AFG2A: variants seen among roughly 807,000 people sequenced by gnomAD.
AFG2A encodes AAA ATPase AFG2A.
chr4:122,992,956 T>TTGTGTGTGTG, the AFG2A span, among the ~76,000 whole-genome samples: 237 of 132,894 alleles, frequency 1.8e-3, no homozygotes, highest in African/African-American at 5.6e-3. Context: ...CCTGTAAGAT[T>TTGTGTGTGTG]TGTGTGTGTG....
At chr4:123,187,090 T>A in the AFG2A span, among the ~76,000 whole-genome samples, 8,544 of 152,260 alleles carry the variant, frequency 0.056, 401 homozygotes, top group African/African-American at 0.12. Context: ...TAGTGCCTCT[T>A]TTGTTACTAT....
the AFG2A span, among the ~76,000 whole-genome samples, chr4:122,985,062 G>A: frequency 0.81 from 123,029 of 151,736 alleles, 51,624 homozygotes; most frequent in East Asian, 0.96. Flanking sequence ...TTGAATGTCT[G>A]GTAGAATTCC....
the AFG2A span, among the ~76,000 whole-genome samples, chr4:122,985,765 T>G: frequency 0.012 from 1,854 of 151,620 alleles, 38 homozygotes; most frequent in African/African-American, 0.042. Flanking sequence ...TTTTTTTCAA[T>G]TTTATTTCTT....
chr4:122,962,843 C>T, the AFG2A span, among the ~76,000 whole-genome samples: 795 of 152,284 alleles, frequency 5.2e-3, 7 homozygotes, highest in African/African-American at 0.018. Flanking sequence ...CACTGCTATA[C>T]CACAGTTCAC....
chr4:123,028,392 A>C, the AFG2A span: 1 of 1,614,034 alleles, frequency 6.2e-7, no homozygotes, highest in Non-Finnish European at 8.5e-7. Flanking sequence ...TTCTAGCTAT[A>C]AAGGTAGGGT....
chr4:123,055,060 C>T, the AFG2A span, among the ~76,000 whole-genome samples: 7 of 152,124 alleles, frequency 4.6e-5, no homozygotes, highest in African/African-American at 1.7e-4. Context: ...TGAACCCCTG[C>T]CTCCCACTTT....
chr4:123,175,248 G>A, the AFG2A span, among the ~76,000 whole-genome samples: 1 of 152,024 alleles, frequency 6.6e-6, no homozygotes, highest in Non-Finnish European at 1.5e-5. Flanking sequence ...GAAGATATCT[G>A]CAGTGTCATA....
At chr4:123,259,056 A>G in the AFG2A span, among the ~76,000 whole-genome samples, 2,362 of 152,008 alleles carry the variant, frequency 0.016, 55 homozygotes, top group African/African-American at 0.055. Context: ...TATTAGAGAC[A>G]GGGTTTCACC....
At chr4:123,118,095 A>G in the AFG2A span, among the ~76,000 whole-genome samples, 2 of 151,112 alleles carry the variant, frequency 1.3e-5, no homozygotes, top group African/African-American at 2.4e-5. Context: ...TTTTGTTAAG[A>G]TGGTATTTTG....
At chr4:122,986,034 G>T in the AFG2A span, among the ~76,000 whole-genome samples, 1 of 151,702 alleles carries the variant, frequency 6.6e-6, no homozygotes, top group Non-Finnish European at 1.5e-5. Flanking sequence ...TTTTGACCCA[G>T]CGCTCATTCA....
At chr4:122,988,249 TTGG>T in the AFG2A span, among the ~76,000 whole-genome samples, 1 of 151,830 alleles carries the variant, frequency 6.6e-6, no homozygotes, top group African/African-American at 2.4e-5. Flanking sequence ...ATAACATATC[TTGG>T]TGAAGCTCTC....
the AFG2A span, among the ~76,000 whole-genome samples, chr4:122,995,250 TA>T: frequency 7.9e-5 from 12 of 152,190 alleles, no homozygotes; most frequent in Non-Finnish European, 1.8e-4. Flanking sequence ...ATAAATAGTA[TA>T]ACCTGTGGAA....
the AFG2A span, among the ~76,000 whole-genome samples, chr4:123,283,088 A>C: frequency 1.3e-5 from 2 of 152,138 alleles, no homozygotes; most frequent in East Asian, 3.9e-4. Context: ...TCTAAAGCAT[A>C]TGTTCCACCA....
At chr4:123,143,374 A>C in the AFG2A span, among the ~76,000 whole-genome samples, 3 of 152,030 alleles carry the variant, frequency 2.0e-5, no homozygotes, top group African/African-American at 7.2e-5. Flanking sequence ...ATCTTTTGGG[A>C]GACCTATCAA....
At chr4:123,138,050 T>C in the AFG2A span, among the ~76,000 whole-genome samples, 2 of 152,222 alleles carry the variant, frequency 1.3e-5, no homozygotes, top group African/African-American at 4.8e-5. Flanking sequence ...CCCACACTTC[T>C]CTTAATCTTT....
At chr4:123,164,651 A>G in the AFG2A span, among the ~76,000 whole-genome samples, 1 of 152,212 alleles carries the variant, frequency 6.6e-6, no homozygotes, top group East Asian at 1.9e-4. Context: ...ATTTATTGAA[A>G]TGCTTTAAGT....
At chr4:123,162,552 C>A in the AFG2A span, among the ~76,000 whole-genome samples, 38 of 152,224 alleles carry the variant, frequency 2.5e-4, no homozygotes, top group Middle Eastern at 3.4e-3. Context: ...GAACTTATGT[C>A]TATAAAATTT....
At chr4:123,058,099 T>G in the AFG2A span, among the ~76,000 whole-genome samples, 1 of 152,222 alleles carries the variant, frequency 6.6e-6, no homozygotes, top group Non-Finnish European at 1.5e-5. Flanking sequence ...GAGTATAAAT[T>G]GTCATTAGGA....
At chr4:123,194,349 T>C in the AFG2A span, among the ~76,000 whole-genome samples, 1 of 152,198 alleles carries the variant, frequency 6.6e-6, no homozygotes, top group Non-Finnish European at 1.5e-5. Flanking sequence ...TCTCAGTGTT[T>C]TAAGAAAGCT....
Sources: gnomAD v4.1 joint callset for allele counts (sites outside exome capture counted in the v4.1 genomes callset) on GRCh38, gnomAD v4.1.1 for gene constraint, MANE v1.5 for transcripts, NCBI Gene and HGNC (gene_info 2026-07-23, HGNC 2026-07-21) for gene names.